The following HDAC1 variants were observed in gnomAD, a reference collection of about 807,000 sequenced individuals.
The protein encoded by HDAC1 is protein deacetylase HDAC1.
Under a neutral mutation model 65.5 loss-of-function variants are expected in HDAC1, and 18 were observed. The observed-to-expected ratio is 0.27, with a 90% CI of 0.19 to 0.41. The LOEUF is 0.41. Among genes scored for constraint, HDAC1 ranks in the 10% least tolerant of loss-of-function variants. The pLI is 1.00. For missense variants in HDAC1, 373 were observed against 625.2 expected (o/e 0.60, Z 4.30); for synonymous variants, 211 against 227.9 (o/e 0.93, Z 0.67).
At chr1:32,306,069 C>T (rs1395886391) in intron 2 of HDAC1, among the ~76,000 whole-genome samples, 1 of 152,116 alleles carries the variant, frequency 6.6e-6, no homozygotes, top group Non-Finnish European at 1.5e-5. Flanking sequence ...ACCACAGTGG[C>T]TTAATTACAG....
Position 32,327,098 on chromosome 1 carries a change from C to T in HDAC1, c.494+21C>T, listed in dbSNP as rs776334603. On this transcript the variant is annotated intron_variant, in intron 5 of 13. Coordinates refer to ENST00000373548, the MANE Select transcript of HDAC1 (RefSeq NM_004964.3). This position sits in a 1 kb window ranked among gnomAD's most constrained non-coding sequence, Gnocchi z 6.0. Reference sequence around the variant, plus strand: ...CTAAAGTATGCCTGCCTGGCCTTGTCTCTTGGAAGAGCACCTTAGGCCAGG... The same window carrying T: ...CTAAAGTATGCCTGCCTGGCCTTGTTTCTTGGAAGAGCACCTTAGGCCAGG... 2 of 1,613,134 alleles carry T rather than the reference C, an allele frequency of 1.2e-6. No homozygotes were observed. Among genetic ancestry groups the T allele is most frequent in the South Asian group, 2.2e-5 (2 of 91,064 alleles).
Position 32,331,856 on chromosome 1 carries a change from C to T in HDAC1, c.1219+50C>T. On this transcript the variant is annotated intron_variant, in intron 11 of 13. Transcript: ENST00000373548. The surrounding 1 kb of genome is among the most constrained non-coding windows in gnomAD (Gnocchi z 4.2). ...TGCCTTCCATTCAATAGGCAGCTCA[C>T]ACTTCCACCACCATTCCTGGCTGCA... 2 of 1,551,192 alleles carry T rather than the reference C, an allele frequency of 1.3e-6. No homozygotes were observed. The highest frequency in any genetic ancestry group is 1.7e-6 in the Non-Finnish European group (2 of 1,147,204).
intron 2 of HDAC1, among the ~76,000 whole-genome samples, chr1:32,308,740 G>A (rs560979608): frequency 1.3e-5 from 2 of 151,952 alleles, no homozygotes; most frequent in Non-Finnish European, 2.9e-5. Flanking sequence ...GGATGGTCTC[G>A]ATCTCCTGAC....
intron 1 of HDAC1, among the ~76,000 whole-genome samples, chr1:32,302,151 C>T (rs1640857105): frequency 6.6e-6 from 1 of 152,120 alleles, no homozygotes; most frequent in South Asian, 2.1e-4. Context: ...TAATAATACC[C>T]CCTGTCCTAC....
At chr1:32,298,231 G>A in intron 1 of HDAC1, among the ~76,000 whole-genome samples, 1 of 151,816 alleles carries the variant, frequency 6.6e-6, no homozygotes, top group East Asian at 1.9e-4. Flanking sequence ...TGGGATTACA[G>A]GCATATGCCA....
rs1255118218 is a variant in HDAC1, at chr1:32,330,401, T to C, written c.730-177T>C. 3 of 610,110 alleles carry C rather than the reference T, an allele frequency of 4.9e-6. No homozygotes were observed. The East Asian group carries it at 8.1e-5, about 16-fold the overall frequency. The allele number at this position is 610,110 out of a possible 1,614,324, so 37.8% of individuals were successfully genotyped here. A position where few individuals can be genotyped will look rare whatever the true frequency, so the allele number is the denominator to read the frequency against. ...TTAGAGAACTTTTTAAATTGGAAAA[T>C]TGAAATCCCAAGTGGGCAAGCAAGG... On this transcript the variant is annotated intron_variant, in intron 7 of 13. Transcript: ENST00000373548. The surrounding 1 kb of genome is among the most constrained non-coding windows in gnomAD (Gnocchi z 4.2).
intron 2 of HDAC1, among the ~76,000 whole-genome samples, chr1:32,306,128 A>G (rs771184151): frequency 6.6e-6 from 1 of 150,584 alleles, no homozygotes; most frequent in Non-Finnish European, 1.5e-5. Flanking sequence ...CAGTCCTCCC[A>G]CTTTGTTCTT....
In HDAC1 at chr1:32,294,298, G is replaced by A. The variant is rs576553722; in HGVS notation, c.49+2080G>A. ...TGAGTAGCTGGGATTACAGGCGTGCGCCACCATGCCTGGCTAGTTTTTGTA... is the reference window on the plus strand; with the variant it reads ...TGAGTAGCTGGGATTACAGGCGTGCACCACCATGCCTGGCTAGTTTTTGTA... On this transcript the variant is annotated intron_variant, in intron 1 of 13. Transcript: ENST00000373548. Among the ~76,000 whole-genome samples the A allele has an allele frequency of 4.0e-5, 6 of 151,638 alleles. No individual in the cohort carries two copies. The East Asian group carries it at 6.0e-4, about 15-fold the overall frequency.
chr1:32,313,855 T>G (rs1443574848), intron 2 of HDAC1, among the ~76,000 whole-genome samples: 1 of 152,106 alleles, frequency 6.6e-6, no homozygotes, highest in Non-Finnish European at 1.5e-5. Context: ...TGGGTGTGAG[T>G]GCACCCTGTG....
rs1641326262 is a variant in HDAC1, at chr1:32,333,356, G to A, written c.*312G>A. On this transcript the variant is annotated 3_prime_UTR_variant, in exon 14 of 14. Transcript: ENST00000373548. ...TGCCAAGTGCCTGCTTAGTAGCTTT[G>A]GAAAGGTGCCCTTATTGAACATTCT... 4.6e-6 allele frequency: 1 copy of A among 215,214 alleles called. No individual in the cohort carries two copies. Among genetic ancestry groups the A allele is most frequent in the East Asian group, 1.1e-4 (1 of 9,242 alleles). 13.3% of individuals were successfully genotyped at this position (215,214 alleles called of 1,614,324 possible).
Position 32,296,586 on chromosome 1 carries a change from C to T in HDAC1, c.49+4368C>T, listed in dbSNP as rs932330668. ...TAGAGACAGGATTTCGCCATGTTGC[C>T]CAGGCTGGTCTCAAACTCCTGAGCT... is the stretch of plus-strand genomic sequence containing the variant. On this transcript the variant is annotated intron_variant, in intron 1 of 13. Coordinates refer to ENST00000373548, the MANE Select transcript of HDAC1 (RefSeq NM_004964.3). 2.6e-5 allele frequency among the ~76,000 whole-genome samples: 4 copies of T among 152,084 alleles called. No individual in the cohort carries two copies. The South Asian group carries it at 6.2e-4, about 24-fold the overall frequency.
At chr1:32,312,246 C>T (rs1641000713) in intron 2 of HDAC1, among the ~76,000 whole-genome samples, 1 of 152,160 alleles carries the variant, frequency 6.6e-6, no homozygotes, top group Admixed American at 6.6e-5. Context: ...TACCCAGAGC[C>T]AGATCTCTGG....
At chr1:32,292,480 G>A in intron 1 of HDAC1, 1 of 972,190 alleles carries the variant, frequency 1.0e-6, no homozygotes, top group African/African-American at 1.8e-5. Context: ...GATGTGGAGA[G>A]TTTGAGTGGG....
intron 3 of HDAC1, among the ~76,000 whole-genome samples, chr1:32,322,183 G>A (rs1279188501): frequency 1.3e-5 from 2 of 152,092 alleles, no homozygotes; most frequent in African/African-American, 2.4e-5. Flanking sequence ...GATAACAGTG[G>A]GTACAGTAGA....
chr1:32,319,720 G>T (rs1038041604), intron 3 of HDAC1, among the ~76,000 whole-genome samples: 4 of 151,956 alleles, frequency 2.6e-5, no homozygotes, highest in Non-Finnish European at 5.9e-5. Context: ...AGCATAGTGA[G>T]ACCCCCATCT....
intron 2 of HDAC1, among the ~76,000 whole-genome samples, chr1:32,308,831 T>C (rs1557603251): frequency 6.7e-6 from 1 of 150,160 alleles, no homozygotes; most frequent in Non-Finnish European, 1.5e-5. Context: ...TTTATTTTTT[T>C]AGATAGGGTG....
chr1:32,300,597 C>T (rs1372695277), intron 1 of HDAC1, among the ~76,000 whole-genome samples: 3 of 151,826 alleles, frequency 2.0e-5, no homozygotes, highest in African/African-American at 7.3e-5. Context: ...TAATGAAGTG[C>T]TGTATACAAA....
At chr1:32,306,272 T>C (rs1315659200) in intron 2 of HDAC1, among the ~76,000 whole-genome samples, 1 of 150,700 alleles carries the variant, frequency 6.6e-6, no homozygotes, top group Admixed American at 6.6e-5. Flanking sequence ...CTCACTGCAA[T>C]CTCCGCCTCC....
At chr1:32,325,342 A>G (rs569011996) in intron 4 of HDAC1, among the ~76,000 whole-genome samples, 6 of 152,290 alleles carry the variant, frequency 3.9e-5, no homozygotes, top group African/African-American at 1.2e-4. Context: ...TCCCCCACCA[A>G]TATAATCATT....
Sources: allele counts gnomAD v4.1 joint callset (sites outside exome capture counted in the v4.1 genomes callset), GRCh38; gene constraint gnomAD v4.1.1; non-coding constraint Gnocchi (gnomAD v3.1); transcripts MANE v1.5; gene names NCBI Gene and HGNC (gene_info 2026-07-23, HGNC 2026-07-21).